Variants in DSCAM observed in about 807,000 individuals in gnomAD.
DSCAM encodes cell adhesion molecule DSCAM.
In DSCAM, 47 loss-of-function variants were observed where a neutral mutation model predicts 217.7. The ratio of observed to expected loss-of-function variants is 0.22; its 90% confidence interval spans 0.17 to 0.28. DSCAM has a LOEUF of 0.28. Ranked by LOEUF, DSCAM falls within the 10% of genes least tolerant of loss-of-function variation. The pLI is 1.00. For synonymous variants in DSCAM, 1,056 were observed against 1,015.3 expected, an observed-to-expected ratio of 1.04 and a Z score of -0.76; for missense variants, 2,080 against 2,618.3, an observed-to-expected ratio of 0.79 and a Z score of 4.49.
At chr21:40,031,296 C>T (rs1171484534) in intron 32 of DSCAM, among the ~76,000 whole-genome samples, 3 of 142,150 alleles carry the variant, frequency 2.1e-5, no homozygotes, top group Non-Finnish European at 4.8e-5. Context: ...CTCCCAGATT[C>T]CAGCTCTACA....
At chr21:40,712,856 G>A (rs1053416544) in intron 1 of DSCAM, among the ~76,000 whole-genome samples, 2 of 152,126 alleles carry the variant, frequency 1.3e-5, no homozygotes, top group African/African-American at 4.8e-5. Flanking sequence ...ACAGGCGAAA[G>A]CCTTTAGCGA....
chr21:40,620,917 C>A (rs1020220760), intron 3 of DSCAM, among the ~76,000 whole-genome samples: 3 of 152,178 alleles, frequency 2.0e-5, no homozygotes, highest in Non-Finnish European at 4.4e-5. Flanking sequence ...ACTCAGCGTG[C>A]ACTGATGCGT....
At chr21:40,342,340 TTTTTC>T (rs1376856171) in intron 6 of DSCAM, among the ~76,000 whole-genome samples, 5 of 152,136 alleles carry the variant, frequency 3.3e-5, no homozygotes, top group Admixed American at 1.3e-4. Context: ...TGTGGTTGCC[TTTTTC>T]TTTTCTTAAT....
rs535804280 is a variant in DSCAM at position 40,578,945 on chromosome 21, A to G, written c.508+113865T>C. The stretch of plus-strand genomic sequence containing the variant: ...TTCCAGAAACATAGTGTGGATGAAG[A>G]TGAAAGATGTATAATACAACTTGAT... On this transcript the variant is annotated intron_variant, in intron 3 of 32. Coordinates refer to ENST00000400454, the MANE Select transcript of DSCAM (RefSeq NM_001389.5). Among the ~76,000 whole-genome samples, 26 of 152,350 alleles carry G rather than the reference A, an allele frequency of 1.7e-4. No individual in the cohort carries two copies. The South Asian group carries it at 3.9e-3, about 23-fold the overall frequency.
At chr21:40,787,258 G>GT (rs757522205) in intron 1 of DSCAM, among the ~76,000 whole-genome samples, 37 of 152,268 alleles carry the variant, frequency 2.4e-4, no homozygotes, top group Admixed American at 8.5e-4. Context: ...ACAATTTAAG[G>GT]TTTTTTCCCA....
chr21:40,236,104 G>T (rs2073074468), intron 11 of DSCAM, among the ~76,000 whole-genome samples: 1 of 152,148 alleles, frequency 6.6e-6, no homozygotes, highest in Non-Finnish European at 1.5e-5. Context: ...TTCTGCCGAT[G>T]CAGCTGCATG....
At chr21:40,475,590 T>C (rs1313669043) in intron 3 of DSCAM, among the ~76,000 whole-genome samples, 1 of 152,190 alleles carries the variant, frequency 6.6e-6, no homozygotes, top group Non-Finnish European at 1.5e-5. Flanking sequence ...GGCTGCACTT[T>C]GGGAGGCCGA....
At chr21:40,321,601 T>C (rs1259454911) in intron 8 of DSCAM, among the ~76,000 whole-genome samples, 2 of 151,658 alleles carry the variant, frequency 1.3e-5, no homozygotes, top group Non-Finnish European at 2.9e-5. Flanking sequence ...TTCAATTGTG[T>C]CCTAACTGGT....
At chr21:40,564,525 C>T (rs748262896) in intron 3 of DSCAM, among the ~76,000 whole-genome samples, 1 of 152,148 alleles carries the variant, frequency 6.6e-6, no homozygotes, top group East Asian at 1.9e-4. Context: ...CTTCCTTTGA[C>T]CTGTTTTGGG....
At chr21:40,606,789 T>C (rs970736394) in intron 3 of DSCAM, among the ~76,000 whole-genome samples, 3 of 152,218 alleles carry the variant, frequency 2.0e-5, no homozygotes, top group African/African-American at 2.4e-5. Flanking sequence ...CCAAAACTTA[T>C]CTTGAATTCC....
intron 18 of DSCAM, among the ~76,000 whole-genome samples, chr21:40,142,182 G>A (rs879315685): frequency 9.2e-5 from 14 of 152,114 alleles, no homozygotes; most frequent in Admixed American, 2.6e-4. Flanking sequence ...GTTTCCCCGC[G>A]GAGTTCTATT....
intron 11 of DSCAM, among the ~76,000 whole-genome samples, chr21:40,243,257 GA>G (rs1227364834): frequency 3.3e-5 from 5 of 152,110 alleles, no homozygotes; most frequent in African/African-American, 1.2e-4. Context: ...AAAGAAAAAG[GA>G]AAAAAATAAT....
chr21:40,136,875 TAAAG>T (rs1280803136), intron 18 of DSCAM, among the ~76,000 whole-genome samples: 1 of 152,010 alleles, frequency 6.6e-6, no homozygotes, highest in African/African-American at 2.4e-5. Context: ...CTGATCTTCT[TAAAG>T]AAAGCAAACA....
At chr21:40,294,228 T>A (rs764940852) in intron 10 of DSCAM, among the ~76,000 whole-genome samples, 1 of 152,212 alleles carries the variant, frequency 6.6e-6, no homozygotes, top group Admixed American at 6.5e-5. Context: ...TTAATCTATG[T>A]AGAAACACTT....
At chr21:40,781,162 C>T (rs960787196) in intron 1 of DSCAM, among the ~76,000 whole-genome samples, 1 of 151,952 alleles carries the variant, frequency 6.6e-6, no homozygotes. Context: ...GAGCGTGCCA[C>T]CATGCCCGGG....
chr21:40,048,915 A>G lies in DSCAM; in HGVS notation c.5185+3043T>C, dbSNP rs577250796. On this transcript the variant is annotated intron_variant, in intron 30 of 32. Transcript: ENST00000400454. ...AGTCACCTACCATTTCTAACTCTAA[A>G]TAAAACACGGAGTGTTGTCAGTCCC... is the stretch of plus-strand genomic sequence containing the variant. 2.0e-5 allele frequency among the ~76,000 whole-genome samples: 3 copies of G among 152,192 alleles called. No individual in the cohort carries two copies. The East Asian group carries it at 5.9e-4, about 30-fold the overall frequency.
At chr21:40,451,705 C>T (rs1282026728) in intron 3 of DSCAM, among the ~76,000 whole-genome samples, 6 of 152,144 alleles carry the variant, frequency 3.9e-5, no homozygotes, top group Non-Finnish European at 5.9e-5. Flanking sequence ...TAAATCAAAT[C>T]ACTAGGGTTC....
At chr21:40,795,831 T>C (rs1220565724) in intron 1 of DSCAM, among the ~76,000 whole-genome samples, 1 of 152,226 alleles carries the variant, frequency 6.6e-6, no homozygotes, top group Non-Finnish European at 1.5e-5. Flanking sequence ...ATGCCTCAGA[T>C]GATCTGATTG....
chr21:40,492,586 G>A (rs745667696), intron 3 of DSCAM, among the ~76,000 whole-genome samples: 14 of 151,592 alleles, frequency 9.2e-5, no homozygotes, highest in South Asian at 6.2e-4. Context: ...AAATACAATC[G>A]AGGAGCAGAA....
Sources: gnomAD v4.1 joint callset for allele counts (sites outside exome capture counted in the v4.1 genomes callset) on GRCh38, gnomAD v4.1.1 for gene constraint, MANE v1.5 for transcripts, NCBI Gene and HGNC (gene_info 2026-07-23, HGNC 2026-07-21) for gene names.